The following NCALD variants were observed in gnomAD, a reference collection of about 807,000 sequenced individuals.
The protein encoded by NCALD is neurocalcin-delta.
Under a neutral mutation model 18.6 loss-of-function variants are expected in NCALD, and 10 were observed. The observed-to-expected ratio is 0.54, with a 90% CI of 0.33 to 0.91. NCALD has a LOEUF of 0.91. Among genes scored for constraint, NCALD ranks in the 40% least tolerant of loss-of-function variants. NCALD has a pLI of 0.03. For missense variants in NCALD, 184 were observed against 247.6 expected, an observed-to-expected ratio of 0.74 and a Z score of 1.72; for synonymous variants, 88 against 87.4, an observed-to-expected ratio of 1.01 and a Z score of -0.04.
intron 1 of NCALD, among the ~76,000 whole-genome samples, chr8:101,757,422 C>T (rs1197155315): frequency 6.6e-6 from 1 of 152,158 alleles, no homozygotes. Context: ...ATGTCCTGAC[C>T]TCTGAGGGCT....
chr8:102,117,721 C>T (rs10111484), intron 1 of NCALD, among the ~76,000 whole-genome samples: 31,672 of 151,916 alleles, frequency 0.21, 4,281 homozygotes, highest in African/African-American at 0.38. Flanking sequence ...TTTATCTAAA[C>T]ACAATGAATC....
At chr8:102,003,844 C>A (rs199704932) in intron 2 of NCALD, among the ~76,000 whole-genome samples, 21 of 152,264 alleles carry the variant, frequency 1.4e-4, no homozygotes, top group Non-Finnish European at 2.2e-4. Flanking sequence ...CATGCTAAAA[C>A]CTCTCAATAA....
chr8:102,036,208 G>A (rs186359218), intron 1 of NCALD, among the ~76,000 whole-genome samples: 27 of 151,834 alleles, frequency 1.8e-4, no homozygotes, highest in Admixed American at 1.4e-3. Flanking sequence ...GCTACTCAGG[G>A]GGCTGAGGCA....
chr8:101,703,370 C>A (rs535382223), intron 2 of NCALD, among the ~76,000 whole-genome samples: 1 of 151,800 alleles, frequency 6.6e-6, no homozygotes, highest in African/African-American at 2.4e-5. Context: ...ATCAGCACAG[C>A]CCTGCCTTGA....
At chr8:101,796,233 C>T (rs897305737) in intron 4 of NCALD, among the ~76,000 whole-genome samples, 9 of 152,170 alleles carry the variant, frequency 5.9e-5, no homozygotes, top group African/African-American at 1.9e-4. Context: ...GAAAAATCGA[C>T]CCTCTTTAAA....
chr8:102,047,936 C>A (rs142757350), intron 1 of NCALD, among the ~76,000 whole-genome samples: 9 of 152,022 alleles, frequency 5.9e-5, no homozygotes, highest in Non-Finnish European at 1.3e-4. Context: ...TTCTTACCAG[C>A]TTTTGAGAGG....
At chr8:101,708,634 T>C (rs1194701399) in intron 2 of NCALD, among the ~76,000 whole-genome samples, 1 of 152,072 alleles carries the variant, frequency 6.6e-6, no homozygotes, top group Non-Finnish European at 1.5e-5. Context: ...ATGAGTTAGG[T>C]GTTTCGATTA....
chr8:101,762,524 CT>C, intron 1 of NCALD, among the ~76,000 whole-genome samples: 1 of 151,688 alleles, frequency 6.6e-6, no homozygotes, highest in African/African-American at 2.4e-5. Context: ...TAAACCTTAG[CT>C]TATGGTCAAA....
At chr8:102,071,906 T>C (rs1824189647) in intron 1 of NCALD, among the ~76,000 whole-genome samples, 1 of 152,202 alleles carries the variant, frequency 6.6e-6, no homozygotes, top group African/African-American at 2.4e-5. Flanking sequence ...CAAACTGACC[T>C]ATGGATTCAA....
At chr8:101,946,718 C>T (rs936074615) in intron 2 of NCALD, among the ~76,000 whole-genome samples, 1 of 144,710 alleles carries the variant, frequency 6.9e-6, no homozygotes, top group Non-Finnish European at 1.5e-5. Flanking sequence ...CCCAAAGAAA[C>T]CAGCAGTTTA....
chr8:101,729,809 C>T (rs894346982), intron 1 of NCALD, among the ~76,000 whole-genome samples: 15 of 152,120 alleles, frequency 9.9e-5, no homozygotes, highest in African/African-American at 2.9e-4. Context: ...AGGGGCCTGG[C>T]CTGGGGGTTT....
At chr8:101,839,126 G>T (rs1814534088) in intron 4 of NCALD, among the ~76,000 whole-genome samples, 1 of 152,176 alleles carries the variant, frequency 6.6e-6, no homozygotes, top group African/African-American at 2.4e-5. Flanking sequence ...TAAGATATGG[G>T]CCTTGCCTTC....
chr8:101,727,760 G>A (rs961246129), intron 1 of NCALD, among the ~76,000 whole-genome samples: 2 of 152,212 alleles, frequency 1.3e-5, no homozygotes, highest in African/African-American at 4.8e-5. Context: ...GGCTCACAAG[G>A]CTCTGCGTGA....
chr8:101,851,433 CAGCTCTCTTGCCTACCCT>C (rs974169544), intron 4 of NCALD, among the ~76,000 whole-genome samples: 23 of 152,106 alleles, frequency 1.5e-4, no homozygotes, highest in East Asian at 3.9e-4. Context: ...TTGTCACCCA[CAGCTCTCTTGCCTACCCT>C]AGCTCTCTTG....
chr8:101,846,147 T>A (rs1814859718), intron 4 of NCALD, among the ~76,000 whole-genome samples: 1 of 152,220 alleles, frequency 6.6e-6, no homozygotes, highest in Admixed American at 6.5e-5. Context: ...GGAGTGCAGA[T>A]ACCTCTTCAA....
intron 4 of NCALD, among the ~76,000 whole-genome samples, chr8:101,844,501 A>G (rs970668655): frequency 3.9e-5 from 6 of 151,908 alleles, no homozygotes; most frequent in Non-Finnish European, 8.8e-5. Context: ...CTGAGATTAC[A>G]CACACACACC....
intron 4 of NCALD, among the ~76,000 whole-genome samples, chr8:101,812,678 T>G (rs1269819661): frequency 6.6e-6 from 1 of 152,160 alleles, no homozygotes; most frequent in Non-Finnish European, 1.5e-5. Context: ...TCTGTCCACT[T>G]GGGATTGAGT....
Position 101,689,486 on chromosome 8 carries a change from C to A in NCALD, c.485-80G>T. ...ACCCTTCCCACTACTGCGTGCTGGG[C>A]AGTGTCGATTCACCTGCCTGCAGCC... is the stretch of plus-strand genomic sequence containing the variant. On this transcript the variant is annotated intron_variant, in intron 3 of 3. Transcript: ENST00000220931. The surrounding 1 kb of genome is among the most constrained non-coding windows in gnomAD (Gnocchi z 4.4). The A allele has an allele frequency of 7.2e-6, 8 of 1,116,598 alleles. No homozygotes were observed. Among genetic ancestry groups the A allele is most frequent in the African/African-American group, 1.5e-5 (1 of 64,700 alleles). The allele number at this position is 1,116,598 out of a possible 1,614,324, so 69.2% of individuals were successfully genotyped here.
At chr8:102,046,048 T>G (rs1400455325) in intron 1 of NCALD, among the ~76,000 whole-genome samples, 1 of 152,230 alleles carries the variant, frequency 6.6e-6, no homozygotes, top group East Asian at 1.9e-4. Context: ...ACATTGTAAA[T>G]AAGCAACAGT....
Sources: gnomAD v4.1 joint callset for allele counts (sites outside exome capture counted in the v4.1 genomes callset) on GRCh38, gnomAD v4.1.1 for gene constraint, Gnocchi (gnomAD v3.1) non-coding constraint, MANE v1.5 for transcripts, NCBI Gene and HGNC (gene_info 2026-07-23, HGNC 2026-07-21) for gene names.